The following CTNNA3 variants were observed in gnomAD, a reference collection of about 807,000 sequenced individuals.
CTNNA3 encodes catenin alpha 3, also known as catenin alpha-3.
CTNNA3 carries 76 observed loss-of-function variants against 95.7 expected under a neutral mutation model. That is an observed-to-expected ratio of 0.79 (90% CI 0.66 to 0.96). The LOEUF is 0.96. CTNNA3 is among the 40% of genes least tolerant of loss of function. The probability of loss-of-function intolerance (pLI) is 0.00; values close to 1 mark genes in which losing one functional copy is unlikely to be tolerated. For synonymous variants in CTNNA3, 431 were observed against 374.4 expected, an observed-to-expected ratio of 1.15 and a Z score of -1.74; for missense variants, 1,191 against 1,089.8, an observed-to-expected ratio of 1.09 and a Z score of -1.31.
intron 13 of CTNNA3, among the ~76,000 whole-genome samples, chr10:66,210,211 G>A (rs1250126550): frequency 1.3e-5 from 2 of 151,594 alleles, no homozygotes; most frequent in Non-Finnish European, 2.9e-5. Context: ...TATCATATAT[G>A]GGAAGAAATG....
chr10:67,666,727 C>T (rs1840337540), intron 1 of CTNNA3, among the ~76,000 whole-genome samples: 1 of 152,120 alleles, frequency 6.6e-6, no homozygotes, highest in Admixed American at 6.6e-5. Context: ...CTCAACTTTC[C>T]TTAGTAAATG....
Position 67,559,144 on chromosome 10 carries a change from C to G in CTNNA3, c.293-19475G>C, listed in dbSNP as rs551199614. Among the ~76,000 whole-genome samples, 241 of 152,292 alleles carry G rather than the reference C, an allele frequency of 1.6e-3. 1 individual carries two copies. Among genetic ancestry groups the G allele is most frequent in the Non-Finnish European group, 2.9e-3 (198 of 68,020 alleles). ...AGCTTTGAAGAGAGCAGTGCTTCTCCCAGCACGCAGCTGGAGATCTGAGAA... is the reference window on the plus strand; with the variant it reads ...AGCTTTGAAGAGAGCAGTGCTTCTCGCAGCACGCAGCTGGAGATCTGAGAA... On this transcript the variant is annotated intron_variant, in intron 3 of 17. Coordinates refer to ENST00000433211, the MANE Select transcript of CTNNA3 (RefSeq NM_013266.4).
At chr10:66,557,652 C>T (rs1015484) in intron 10 of CTNNA3, among the ~76,000 whole-genome samples, 11,196 of 152,130 alleles carry the variant, frequency 0.074, 555 homozygotes, top group African/African-American at 0.13. Context: ...GACAGGACTT[C>T]GTCATTTCTG....
intron 11 of CTNNA3, among the ~76,000 whole-genome samples, chr10:66,409,345 C>T (rs1434400654): frequency 4.0e-5 from 6 of 151,870 alleles, no homozygotes; most frequent in African/African-American, 1.2e-4. Context: ...TGAATTTTCA[C>T]TTCACCTCAT....
At chr10:67,576,214 G>A (rs1350697197) in intron 3 of CTNNA3, among the ~76,000 whole-genome samples, 1 of 152,064 alleles carries the variant, frequency 6.6e-6, no homozygotes, top group African/African-American at 2.4e-5. Context: ...AGCTTCTGAA[G>A]GCCATTTCCT....
rs200113495 is a variant in CTNNA3, at chr10:66,775,437, C to A, written c.1128+7G>T. 4.6e-5 allele frequency: 74 copies of A among 1,596,224 alleles called. No individual in the cohort carries two copies. The highest frequency in any genetic ancestry group is 1.5e-4 in the Admixed American group (9 of 59,250). On this transcript the variant is annotated splice_region_variant and intron_variant, in intron 8 of 17. Coordinates refer to ENST00000433211, the MANE Select transcript of CTNNA3 (RefSeq NM_013266.4). Reference sequence around the variant, plus strand: ...GTTTCTGACTCCATATCTCTCTCTTCCCTCACCTGTCTGCGAAGGTCTCTT... The same window carrying A: ...GTTTCTGACTCCATATCTCTCTCTTACCTCACCTGTCTGCGAAGGTCTCTT...
At chr10:66,331,617 T>G (rs895175277) in intron 12 of CTNNA3, among the ~76,000 whole-genome samples, 1 of 152,106 alleles carries the variant, frequency 6.6e-6, no homozygotes, top group East Asian at 1.9e-4. Context: ...GTTGTAGATA[T>G]GCAGCATTAT....
intron 7 of CTNNA3, among the ~76,000 whole-genome samples, chr10:67,049,392 C>T (rs2133178368): frequency 6.6e-6 from 1 of 152,208 alleles, no homozygotes; most frequent in South Asian, 2.1e-4. Flanking sequence ...GAACTACATA[C>T]AAAATGTAAA....
At chr10:66,567,655 G>C (rs759885700) in intron 10 of CTNNA3, among the ~76,000 whole-genome samples, 1 of 151,968 alleles carries the variant, frequency 6.6e-6, no homozygotes, top group East Asian at 1.9e-4. Context: ...GAGAGAGAGA[G>C]GAAAATTTCA....
intron 11 of CTNNA3, among the ~76,000 whole-genome samples, chr10:66,479,859 T>C (rs1839455274): frequency 6.6e-6 from 1 of 152,012 alleles, no homozygotes; most frequent in South Asian, 2.1e-4. Context: ...CCCTACAAGA[T>C]ACTTATATCA....
In CTNNA3 at chr10:66,367,884, ATTATTATTATTATTATTATTATTATT is replaced by A. The variant is rs1564903333; in HGVS notation, c.1732+11242_1732+11267del. On this transcript the variant is annotated intron_variant, in intron 12 of 17. Coordinates refer to ENST00000433211, the MANE Select transcript of CTNNA3 (RefSeq NM_013266.4). ...AATAATAATAATAATAATAATAATT[ATTATTATTATTATTATTATTATTATT>A]ATTATTATTATTATTATTTTCTGGG... Among the ~76,000 whole-genome samples the A allele has an allele frequency of 9.6e-3, 199 of 20,634 alleles. 5 individuals carry two copies. In the East Asian group the frequency reaches 0.35, roughly 37 times the overall value. 13.5% of individuals were successfully genotyped at this position (20,634 alleles called of 152,430 possible).
intron 10 of CTNNA3, among the ~76,000 whole-genome samples, chr10:66,563,850 T>C (rs1842626037): frequency 6.6e-6 from 1 of 152,124 alleles, no homozygotes; most frequent in African/African-American, 2.4e-5. Context: ...AGTGAAAGGA[T>C]AATCAGAAAC....
rs544036117 is a variant in CTNNA3 at position 66,460,633 on chromosome 10, T to C, written c.1531+59984A>G. Among the ~76,000 whole-genome samples the C allele has an allele frequency of 1.2e-4, 19 of 152,218 alleles. No individual in the cohort carries two copies. The South Asian group carries it at 3.5e-3, about 28-fold the overall frequency. On this transcript the variant is annotated intron_variant, in intron 11 of 17. Transcript: ENST00000433211. ...GTTTCTGATGACTTTTCTCTTCCCA[T>C]GCTGCAGCCCATAGAGCGACTGAGC...
At chr10:67,732,677 T>A (rs1360462467) in intron 1 of CTNNA3, among the ~76,000 whole-genome samples, 1 of 152,194 alleles carries the variant, frequency 6.6e-6, no homozygotes, top group Non-Finnish European at 1.5e-5. Context: ...AATCAAGATA[T>A]TCTTCTAATA....
intron 7 of CTNNA3, among the ~76,000 whole-genome samples, chr10:67,030,376 A>G (rs1193092337): frequency 6.6e-6 from 1 of 152,194 alleles, no homozygotes; most frequent in East Asian, 1.9e-4. Context: ...TAATTATAAA[A>G]TTAATGAAAT....
rs568254685 is a variant in CTNNA3, at chr10:67,101,544, T to C, written c.1047+78773A>G. On this transcript the variant is annotated intron_variant, in intron 7 of 17. Transcript: ENST00000433211. ...ACTTGCAAATAATATATTTTACTGA[T>C]CAACTCATTTTTGTCAAGTCTCTAT... Among the ~76,000 whole-genome samples the C allele has an allele frequency of 2.6e-5, 4 of 151,842 alleles. No individual in the cohort carries two copies. The South Asian group carries it at 8.3e-4, about 31-fold the overall frequency.
At chr10:66,814,200 G>A (rs191530429) in intron 7 of CTNNA3, among the ~76,000 whole-genome samples, 2 of 151,208 alleles carry the variant, frequency 1.3e-5, no homozygotes, top group East Asian at 3.9e-4. Flanking sequence ...AATAATTTAG[G>A]GAAAGTGAAA....
chr10:66,962,719 C>T (rs1222953531), intron 7 of CTNNA3, among the ~76,000 whole-genome samples: 1 of 152,032 alleles, frequency 6.6e-6, no homozygotes, highest in Non-Finnish European at 1.5e-5. Flanking sequence ...CCCACCTCCT[C>T]TAAGTCTTTA....
intron 11 of CTNNA3, among the ~76,000 whole-genome samples, chr10:66,419,920 C>A (rs1222006782): frequency 6.6e-6 from 1 of 152,038 alleles, no homozygotes; most frequent in African/African-American, 2.4e-5. Flanking sequence ...TGTAAAACTA[C>A]AAACTATAAA....
Sources: allele counts gnomAD v4.1 joint callset (sites outside exome capture counted in the v4.1 genomes callset), GRCh38; gene constraint gnomAD v4.1.1; transcripts MANE v1.5; gene names NCBI Gene and HGNC (gene_info 2026-07-23, HGNC 2026-07-21).